The following COL4A5 variants were observed in gnomAD, a reference collection of about 807,000 sequenced individuals.
COL4A5 encodes the protein collagen type IV alpha 5 chain.
In COL4A5, 26 loss-of-function variants were observed where a neutral mutation model predicts 130.2. The ratio of observed to expected loss-of-function variants is 0.20; its 90% CI spans 0.15 to 0.28. The LOEUF (loss-of-function observed/expected upper bound fraction) is 0.28, where lower values mean the gene tolerates loss of function less well. Among genes scored for constraint, COL4A5 ranks in the 10% least tolerant of loss-of-function variants. The pLI, the probability that COL4A5 is intolerant of heterozygous loss-of-function variation, is 1.00. For synonymous variants in COL4A5, 496 were observed against 439.6 expected (o/e 1.13, Z -1.60); for missense variants, 1,131 against 1,344.3 (o/e 0.84, Z 2.48).
intron 2 of COL4A5, among the ~76,000 whole-genome samples, chrX:108,542,737 G>A: frequency 9.6e-6 from 1 of 104,607 alleles, no homozygotes. Flanking sequence ...GTGTAAAAGT[G>A]TTCCTATTTC....
chrX:108,680,836 G>T (rs769174743), intron 45 of COL4A5, 49 bp from the exon 46 acceptor site: 2 of 1,190,883 alleles, frequency 1.7e-6, no homozygotes, highest in African/African-American at 3.5e-5. Context: ...CTGGGTAAAG[G>T]TTGTAGCCCT....
At chrX:108,466,991 G>T (rs948125033) in intron 1 of COL4A5, among the ~76,000 whole-genome samples, 1 of 111,399 alleles carries the variant, frequency 9.0e-6, no homozygotes, top group East Asian at 2.8e-4. Context: ...TTTCACTTTT[G>T]TGATAATGTG....
intron 1 of COL4A5, among the ~76,000 whole-genome samples, chrX:108,529,336 A>G (rs28898365): frequency 0.24 from 26,919 of 110,759 alleles, 2,770 homozygotes; most frequent in East Asian, 0.57. Flanking sequence ...ACCTGGAAGC[A>G]AAAGGACAAT....
chrX:108,489,505 G>A (rs2064976540), intron 1 of COL4A5, among the ~76,000 whole-genome samples: 1 of 111,986 alleles, frequency 8.9e-6, no homozygotes, highest in Admixed American at 9.5e-5. Context: ...TTATATAGAG[G>A]TTCTGAGGTT....
At position 108,686,119 on chromosome X, in the gene COL4A5, A is replaced by G; in HGVS notation, c.4305A>G (p.Pro1435=). The G allele has an allele frequency of 2.5e-6, 3 of 1,206,508 alleles. No individual in the cohort carries two copies. The highest frequency in any genetic ancestry group is 3.4e-6 in the Non-Finnish European group (3 of 891,338). ...AGGRKGDPGL[P]GQPGTRGLDG... ...GGCGCAAAGGAGACCCAGGTCTGCC[A>G]GGACAGCCAGGTAAGACAAGTAAAA... Residue 1435 remains proline (P), a synonymous_variant, in exon 48 of 53, where the codon CCA becomes CCG. Coordinates refer to ENST00000328300, the MANE Select transcript of COL4A5 (RefSeq NM_033380.3).
chrX:108,538,786 T>C (rs1203267154), intron 1 of COL4A5, among the ~76,000 whole-genome samples: 2 of 112,167 alleles, frequency 1.8e-5, no homozygotes, highest in Admixed American at 9.5e-5. Flanking sequence ...CTTGTTTTTC[T>C]AAGCAGTTCA....
intron 1 of COL4A5, among the ~76,000 whole-genome samples, chrX:108,477,326 G>T (rs1471041650): frequency 9.0e-6 from 1 of 111,287 alleles, no homozygotes; most frequent in Non-Finnish European, 1.9e-5. Context: ...TCATAATTAC[G>T]CCTAACATAA....
chrX:108,464,035 T>C (rs1176192870), intron 1 of COL4A5, among the ~76,000 whole-genome samples: 1 of 111,904 alleles, frequency 8.9e-6, no homozygotes, highest in Non-Finnish European at 1.9e-5. Flanking sequence ...ATCGAGACTC[T>C]TCCACCTACC....
chrX:108,595,474 T>G (rs2066498306), intron 21 of COL4A5, 35 bp from the exon 22 acceptor site: 2 of 1,156,617 alleles, frequency 1.7e-6, no homozygotes, highest in Non-Finnish European at 2.4e-6. Flanking sequence ...TGTACCCCTT[T>G]CAGTAAAATT....
intron 47 of COL4A5, among the ~76,000 whole-genome samples, chrX:108,685,122 T>C (rs1206734832): frequency 1.8e-5 from 2 of 112,234 alleles, no homozygotes; most frequent in Non-Finnish European, 3.8e-5. Context: ...TAAGAGCTAT[T>C]TATGACAAAC....
At chrX:108,631,787 A>G (rs1470696087) in intron 36 of COL4A5, among the ~76,000 whole-genome samples, 1 of 111,711 alleles carries the variant, frequency 9.0e-6, no homozygotes, top group Non-Finnish European at 1.9e-5. Flanking sequence ...AATCAATGAA[A>G]AGAAAGACAA....
intron 1 of COL4A5, among the ~76,000 whole-genome samples, chrX:108,536,565 C>T (rs1442416538): frequency 1.8e-5 from 2 of 110,907 alleles, no homozygotes; most frequent in Non-Finnish European, 3.8e-5. Flanking sequence ...CTTCTTTGCC[C>T]CAATCAATTT....
intron 1 of COL4A5, among the ~76,000 whole-genome samples, chrX:108,528,269 C>T (rs1334402412): frequency 1.8e-5 from 2 of 112,288 alleles, no homozygotes; most frequent in African/African-American, 6.5e-5. Flanking sequence ...ACCACTAATG[C>T]TGTTTACAGC....
chrX:108,607,415 C>A (rs2066751411), intron 29 of COL4A5, among the ~76,000 whole-genome samples: 1 of 108,665 alleles, frequency 9.2e-6, no homozygotes, highest in South Asian at 4.1e-4. Context: ...TCCTTCCAAC[C>A]CATCTTCATC....
intron 1 of COL4A5, among the ~76,000 whole-genome samples, chrX:108,484,483 T>C (rs955733570): frequency 1.8e-5 from 2 of 112,472 alleles, no homozygotes; most frequent in Admixed American, 1.9e-4. Context: ...AGCACCTGGC[T>C]GTTGTGATTT....
At chrX:108,644,789 A>G (rs1172042904) in intron 36 of COL4A5, among the ~76,000 whole-genome samples, 3 of 108,737 alleles carry the variant, frequency 2.8e-5, no homozygotes, top group Non-Finnish European at 3.8e-5. Flanking sequence ...AATCCCAGCT[A>G]CTCAGGAGGC....
chrX:108,449,602 A>G (rs1215872230), intron 1 of COL4A5, among the ~76,000 whole-genome samples: 1 of 111,914 alleles, frequency 8.9e-6, no homozygotes. Context: ...GGTGGCATAT[A>G]AACAACAAAT....
intron 1 of COL4A5, among the ~76,000 whole-genome samples, chrX:108,487,314 C>T (rs1288875903): frequency 1.9e-5 from 2 of 105,991 alleles, no homozygotes; most frequent in East Asian, 3.0e-4. Flanking sequence ...CACTTGAACC[C>T]GGGAGATGGA....
chrX:108,630,921 C>G (rs1445668896), intron 36 of COL4A5, among the ~76,000 whole-genome samples: 1 of 112,041 alleles, frequency 8.9e-6, no homozygotes, highest in Non-Finnish European at 1.9e-5. Context: ...AATACTTTCT[C>G]CATTTCTTGT....
Sources: gnomAD v4.1 joint callset for allele counts (sites outside exome capture counted in the v4.1 genomes callset) on GRCh38, gnomAD v4.1.1 for gene constraint, MANE v1.5 for transcripts, NCBI Gene and HGNC (gene_info 2026-07-23, HGNC 2026-07-21) for gene names.